The following TIAM1 variants were observed in gnomAD, a reference collection of about 807,000 sequenced individuals.
The protein encoded by TIAM1 is TIAM Rac1 associated GEF 1, also known as rho guanine nucleotide exchange factor TIAM1.
Under a neutral mutation model 163.5 loss-of-function variants are expected in TIAM1, and 65 were observed. That is an observed-to-expected ratio of 0.40 (90% CI 0.33 to 0.49). The LOEUF (loss-of-function observed/expected upper bound fraction) is 0.49, where lower values mean the gene tolerates loss of function less well. Ranked by LOEUF, TIAM1 falls within the 20% of genes least tolerant of loss-of-function variation. TIAM1 has a pLI of 0.77. For synonymous variants in TIAM1, 833 were observed against 810.1 expected, an observed-to-expected ratio of 1.03 and a Z score of -0.48; for missense variants, 1,789 against 2,044.7, an observed-to-expected ratio of 0.87 and a Z score of 2.41.
intron 2 of TIAM1, among the ~76,000 whole-genome samples, chr21:31,384,269 A>C (rs921689682): frequency 6.6e-6 from 1 of 152,092 alleles, no homozygotes; most frequent in African/African-American, 2.4e-5. Context: ...TCAAATGAAA[A>C]AAAAAATGTC....
rs368421884 is a variant in TIAM1 at position 31,171,150 on chromosome 21, A to C, written c.2888-6085T>G. On this transcript the variant is annotated intron_variant, in intron 15 of 27. Coordinates refer to ENST00000541036, the MANE Select transcript of TIAM1 (RefSeq NM_001353694.2). ...AAAGGAATAGAATATTTGATAAATG[A>C]TGCTAGGACGGTAGATTACCCACGT... Among the ~76,000 whole-genome samples, 11 of 152,014 alleles carry C rather than the reference A, an allele frequency of 7.2e-5. No individual in the cohort carries two copies. The East Asian group carries it at 1.9e-3, about 27-fold the overall frequency.
intron 2 of TIAM1, chr21:31,452,721 T>C (rs2044914261): frequency 4.4e-6 from 2 of 457,044 alleles, no homozygotes; most frequent in Admixed American, 6.1e-5. Flanking sequence ...TAATAAAAGC[T>C]CTAATAAATC....
chr21:31,121,017 G>A (rs1034390139), intron 27 of TIAM1, among the ~76,000 whole-genome samples, 180 bp from the exon 28 acceptor site: 2 of 152,104 alleles, frequency 1.3e-5, no homozygotes, highest in African/African-American at 2.4e-5. Context: ...TTACCTTGTC[G>A]AGGTATCTGG....
At chr21:31,513,774 G>A (rs1014922020) in intron 1 of TIAM1, among the ~76,000 whole-genome samples, 12 of 152,120 alleles carry the variant, frequency 7.9e-5, no homozygotes, top group African/African-American at 2.2e-4. Context: ...TTGGGAAGCC[G>A]AGGCGGGTGG....
intron 7 of TIAM1, 30 bp from the exon 8 acceptor site, chr21:31,223,621 A>C: frequency 6.4e-7 from 1 of 1,565,432 alleles, no homozygotes; most frequent in Non-Finnish European, 8.7e-7. Flanking sequence ...GGAAAAGAAA[A>C]AGTGAGAAAA....
intron 1 of TIAM1, among the ~76,000 whole-genome samples, chr21:31,479,931 T>C (rs907532467): frequency 9.2e-5 from 14 of 152,178 alleles, no homozygotes; most frequent in Admixed American, 7.2e-4. Flanking sequence ...TCTCACAGCA[T>C]GCAGTAATTA....
At chr21:31,400,313 A>G (rs546614098) in intron 2 of TIAM1, among the ~76,000 whole-genome samples, 81 of 152,134 alleles carry the variant, frequency 5.3e-4, no homozygotes, top group African/African-American at 1.9e-3. Flanking sequence ...TATTTTTAGT[A>G]GAGACAGGAT....
intron 1 of TIAM1, among the ~76,000 whole-genome samples, chr21:31,530,769 T>C (rs1427208565): frequency 6.6e-6 from 1 of 152,104 alleles, no homozygotes; most frequent in Non-Finnish European, 1.5e-5. Context: ...CCTGGAAATG[T>C]AAGTGGGCAG....
chr21:31,155,919 ACTT>A (rs1298994147), intron 16 of TIAM1, among the ~76,000 whole-genome samples: 62 of 152,336 alleles, frequency 4.1e-4, no homozygotes, highest in African/African-American at 1.4e-3. Context: ...ATAAAGAATA[ACTT>A]CTTCTATCAT....
chr21:31,328,713 C>T lies in TIAM1; in HGVS notation c.-189+10530G>A, dbSNP rs567280820. Among the ~76,000 whole-genome samples the T allele has an allele frequency of 1.3e-3, 198 of 151,594 alleles. 1 individual carries two copies. The highest frequency in any genetic ancestry group is 3.4e-3 in the Middle Eastern group (1 of 294). On this transcript the variant is annotated intron_variant, in intron 2 of 27. Transcript: ENST00000541036. ...GTCCTAATGCTCTCCCTCCCCTTGACCCCCACCCCCCGACAGGCCCAGGTG... is the reference window on the plus strand; with the variant it reads ...GTCCTAATGCTCTCCCTCCCCTTGATCCCCACCCCCCGACAGGCCCAGGTG...
chr21:31,393,761 A>G (rs1473358799), intron 2 of TIAM1, among the ~76,000 whole-genome samples: 2 of 152,232 alleles, frequency 1.3e-5, no homozygotes, highest in Non-Finnish European at 1.5e-5. Flanking sequence ...TAATGGAAAC[A>G]GAACCAGCAC....
intron 2 of TIAM1, among the ~76,000 whole-genome samples, chr21:31,397,690 G>T (rs2077096708): frequency 6.6e-6 from 1 of 152,152 alleles, no homozygotes; most frequent in Non-Finnish European, 1.5e-5. Context: ...CTGTTAGGGG[G>T]AGTCTTCCCA....
intron 2 of TIAM1, among the ~76,000 whole-genome samples, chr21:31,309,486 AT>A (rs763149099): frequency 2.0e-5 from 3 of 152,350 alleles, no homozygotes; most frequent in Admixed American, 6.5e-5. Flanking sequence ...GAATAAAAAA[AT>A]AAAACGAAAC....
chr21:31,549,894 C>CA (rs2048625017), intron 1 of TIAM1, among the ~76,000 whole-genome samples: 1 of 152,144 alleles, frequency 6.6e-6, no homozygotes, highest in Non-Finnish European at 1.5e-5. Context: ...GAGGCCAAGG[C>CA]AGGCAGGTGG....
At chr21:31,437,258 C>G (rs2044241093) in intron 2 of TIAM1, among the ~76,000 whole-genome samples, 1 of 152,120 alleles carries the variant, frequency 6.6e-6, no homozygotes, top group African/African-American at 2.4e-5. Flanking sequence ...GCTGGGCACA[C>G]TGGTGCACGC....
chr21:31,284,258 C>T (rs2250929), intron 2 of TIAM1, among the ~76,000 whole-genome samples: 17,991 of 152,126 alleles, frequency 0.12, 1,640 homozygotes, highest in East Asian at 0.41. Context: ...CCAAAATAAT[C>T]GCCTCAAGAA....
At chr21:31,424,570 T>C (rs1156594421) in intron 2 of TIAM1, among the ~76,000 whole-genome samples, 1 of 152,220 alleles carries the variant, frequency 6.6e-6, no homozygotes, top group Admixed American at 6.5e-5. Flanking sequence ...CTTCCACTTA[T>C]ATGAGGTACC....
At chr21:31,173,165 GA>G (rs1568966053) in intron 15 of TIAM1, among the ~76,000 whole-genome samples, 1 of 151,968 alleles carries the variant, frequency 6.6e-6, no homozygotes, top group African/African-American at 2.4e-5. Flanking sequence ...TAAGGAGGAA[GA>G]AAAAAAATTC....
At chr21:31,246,802 A>C (rs764882840) in intron 5 of TIAM1, among the ~76,000 whole-genome samples, 2 of 152,226 alleles carry the variant, frequency 1.3e-5, no homozygotes, top group Non-Finnish European at 2.9e-5. Flanking sequence ...TGAATGTAGC[A>C]TATTGATATG....
Sources: allele counts gnomAD v4.1 joint callset (sites outside exome capture counted in the v4.1 genomes callset), GRCh38; gene constraint gnomAD v4.1.1; transcripts MANE v1.5; gene names NCBI Gene and HGNC (gene_info 2026-07-23, HGNC 2026-07-21).